TRAF3IP3: variants seen among roughly 807,000 people sequenced by gnomAD.
The protein encoded by TRAF3IP3 is TRAF3 interacting protein 3.
Under a neutral mutation model 86.5 loss-of-function variants are expected in TRAF3IP3, and 64 were observed. That is an observed-to-expected ratio of 0.74 (90% CI 0.60 to 0.91). The LOEUF is 0.91. TRAF3IP3 is among the 40% of genes least tolerant of loss of function. The pLI, the probability that TRAF3IP3 is intolerant of heterozygous loss-of-function variation, is 0.00. For missense variants in TRAF3IP3, 579 were observed against 642.9 expected (o/e 0.90, Z 1.07); for synonymous variants, 220 against 243.9 (o/e 0.90, Z 0.91).
intron 8 of TRAF3IP3, chr1:209,768,687 C>G: frequency 4.1e-6 from 4 of 985,572 alleles, no homozygotes; most frequent in Non-Finnish European, 4.8e-6. Context: ...CCTTGCTCCT[C>G]TCTTCACTGG....
intron 2 of TRAF3IP3, among the ~76,000 whole-genome samples, 168 bp from the exon 3 acceptor site, chr1:209,759,814 A>G (rs1200429166): frequency 1.3e-5 from 2 of 152,234 alleles, no homozygotes; most frequent in African/African-American, 4.8e-5. Flanking sequence ...AGTTCATTAG[A>G]GACTGAGCCC....
intron 8 of TRAF3IP3, among the ~76,000 whole-genome samples, chr1:209,766,445 C>T (rs1318742407): frequency 6.6e-6 from 1 of 152,160 alleles, no homozygotes; most frequent in Admixed American, 6.5e-5. Context: ...AAGACAGAGA[C>T]ATGTAATAAA....
At chr1:209,778,068 G>T (rs1324766262) in intron 12 of TRAF3IP3, 43 bp from the exon 13 acceptor site, 2 of 1,565,380 alleles carry the variant, frequency 1.3e-6, no homozygotes, top group African/African-American at 2.7e-5. Flanking sequence ...AGTTCATTAA[G>T]TCTTGGGTTC....
intron 6 of TRAF3IP3, 120 bp from the exon 7 acceptor site, chr1:209,763,243 C>A: frequency 7.2e-7 from 1 of 1,393,396 alleles, no homozygotes; most frequent in Non-Finnish European, 1.0e-6. Flanking sequence ...CTAAAGGGAC[C>A]CTGTCAGAGC....
intron 15 of TRAF3IP3, 128 bp downstream of exon 15, chr1:209,780,734 C>T (rs2077759640): frequency 1.2e-6 from 1 of 868,866 alleles, no homozygotes; most frequent in South Asian, 3.5e-5. Flanking sequence ...CATTTGCCTA[C>T]ATAAAGTGTC....
At chr1:209,775,328 T>C in intron 9 of TRAF3IP3, 21 bp from the exon 10 acceptor site, 1 of 1,597,188 alleles carries the variant, frequency 6.3e-7, no homozygotes, top group Non-Finnish European at 8.5e-7. Flanking sequence ...GTGTATTTGT[T>C]GAATTGCATC....
chr1:209,770,256 C>T (rs1341552127), intron 8 of TRAF3IP3, among the ~76,000 whole-genome samples: 3 of 152,212 alleles, frequency 2.0e-5, no homozygotes, highest in Non-Finnish European at 4.4e-5. Flanking sequence ...CCGTTTCTTG[C>T]TTTCTTAAAG....
Position 209,760,348 on chromosome 1 carries a change from G to A in TRAF3IP3, c.309G>A (p.Leu103=). The A allele has an allele frequency of 1.2e-6, 2 of 1,610,986 alleles. No individual in the cohort carries two copies. Among genetic ancestry groups the A allele is most frequent in the Non-Finnish European group, 1.7e-6 (2 of 1,178,602 alleles). The part of the protein sequence containing the change: ...PGQVTVLKEP[L]SCARRISSPR... The stretch of plus-strand genomic sequence containing the variant: ...AGGTGACTGTCCTCAAGGAACCCTT[G>A]TCTTGTGCCAGAAGGATTTCTTCTC... The change falls in exon 3 of 17, where the codon TTG becomes TTA. Residue 103 remains leucine, a synonymous_variant. Coordinates refer to ENST00000367025, the MANE Select transcript of TRAF3IP3 (RefSeq NM_025228.4).
intron 2 of TRAF3IP3, among the ~76,000 whole-genome samples, chr1:209,759,559 T>G (rs2077209255): frequency 6.6e-6 from 1 of 152,192 alleles, no homozygotes; most frequent in South Asian, 2.1e-4. Flanking sequence ...AACTGGGGGA[T>G]AAGAGGGCAG....
chr1:209,774,650 T>C (rs974611236), intron 9 of TRAF3IP3, among the ~76,000 whole-genome samples: 1 of 152,200 alleles, frequency 6.6e-6, no homozygotes, highest in Non-Finnish European at 1.5e-5. Context: ...GATGAAAGTC[T>C]AGGCGTGTAA....
intron 14 of TRAF3IP3, chr1:209,779,792 T>C (rs1201198544): frequency 2.2e-6 from 1 of 449,046 alleles, no homozygotes; most frequent in Admixed American, 4.0e-5. Context: ...GAATTCACTG[T>C]GTATACAGAG....
Position 209,762,637 on chromosome 1 carries a change from C to T in TRAF3IP3, c.468C>T (p.Ile156=). The change falls in exon 4 of 17, where the codon ATC becomes ATT. Residue 156 remains isoleucine, a synonymous_variant. Transcript: ENST00000367025. ...AGGLPPQDTP[I]KKPPKHHRGT... ...GCCTTCCTCCACAGGACACTCCCAT[C>T]AAGAAGCCACCCAAACACCACCGTG... is the stretch of plus-strand genomic sequence containing the variant. 1 of 1,429,254 alleles carries T rather than the reference C, an allele frequency of 7.0e-7. No homozygotes were observed. Among genetic ancestry groups the T allele is most frequent in the Non-Finnish European group, 9.1e-7 (1 of 1,098,774 alleles). The allele number at this position is 1,429,254 out of a possible 1,614,324, so 88.5% of individuals were successfully genotyped here. A position where few individuals can be genotyped will look rare whatever the true frequency, so the allele number is the denominator to read the frequency against.
rs534483420 is a variant in TRAF3IP3 at position 209,771,889 on chromosome 1, G to A, written c.703-1059G>A. ...TACGTGTGCATGTGGAGGTGTGTGC[G>A]CGCATGTGAAGGTGTGTGTGTATAT... is the stretch of plus-strand genomic sequence containing the variant. On this transcript the variant is annotated intron_variant, in intron 8 of 16. Coordinates refer to ENST00000367025, the MANE Select transcript of TRAF3IP3 (RefSeq NM_025228.4). Among the ~76,000 whole-genome samples, 29 of 142,880 alleles carry A rather than the reference G, an allele frequency of 2.0e-4. 2 individuals are homozygous for A. The South Asian group carries it at 3.6e-3, about 18-fold the overall frequency. 93.7% of individuals were successfully genotyped at this position (142,880 alleles called of 152,430 possible). A position where few individuals can be genotyped will look rare whatever the true frequency, so the allele number is the denominator to read the frequency against.
At chr1:209,762,406 A>G in intron 3 of TRAF3IP3, 109 bp from the exon 4 acceptor site, 1 of 1,151,962 alleles carries the variant, frequency 8.7e-7, no homozygotes, top group East Asian at 2.7e-5. Flanking sequence ...GACAATAAAC[A>G]CTCAGTCCAT....
rs1558034023 is a variant in TRAF3IP3, at chr1:209,781,368, AG to A, written c.1474del (p.Asp492ThrfsTer21). On this transcript the variant is annotated frameshift_variant, in exon 16 of 17. Coordinates refer to ENST00000367025, the MANE Select transcript of TRAF3IP3 (RefSeq NM_025228.4). LOFTEE classifies it high-confidence loss of function. ...KECRELHSEL[D>X]NLSDEYLSCL... is the part of the protein sequence containing the mutation. Reference sequence around the variant, plus strand: ...AGTGCAGAGAACTGCATTCAGAATTAGACAACCTCAGTGACGAGTATCTCTC... The same window carrying A: ...AGTGCAGAGAACTGCATTCAGAATTAACAACCTCAGTGACGAGTATCTCTC... 2 of 1,613,168 alleles carry A rather than the reference AG, an allele frequency of 1.2e-6. No homozygotes were observed. Among genetic ancestry groups the A allele is most frequent in the Non-Finnish European group, 1.7e-6 (2 of 1,179,344 alleles).
chr1:209,761,115 C>T (rs1405651132), intron 3 of TRAF3IP3, among the ~76,000 whole-genome samples: 2 of 152,220 alleles, frequency 1.3e-5, no homozygotes, highest in Non-Finnish European at 2.9e-5. Flanking sequence ...CTTCTTGACA[C>T]ACACACAGAC....
chr1:209,775,851 G>A, intron 11 of TRAF3IP3, 115 bp downstream of exon 11: 1 of 996,672 alleles, frequency 1.0e-6, no homozygotes, highest in African/African-American at 1.6e-5. Flanking sequence ...CTGGCTTTCA[G>A]TTCCTCAGTC....
At chr1:209,770,497 GT>G (rs1558018507) in intron 8 of TRAF3IP3, among the ~76,000 whole-genome samples, 5 of 150,396 alleles carry the variant, frequency 3.3e-5, no homozygotes, top group African/African-American at 1.2e-4. Flanking sequence ...AAGTGTGCGT[GT>G]GCATGTGAAA....
Position 209,775,488 on chromosome 1 carries a change from A to T in TRAF3IP3, c.914A>T (p.Gln305Leu), listed in dbSNP as rs2077632916. The change falls in exon 10 of 17, where the codon CAG becomes CTG. Residue 305 changes from glutamine (Q) to leucine (L), a missense_variant and splice_region_variant. By Grantham distance (113) the Gln-to-Leu change is moderately radical. Coordinates refer to ENST00000367025, the MANE Select transcript of TRAF3IP3 (RefSeq NM_025228.4). ...GCAGAGCAGCAACTACAGAGCACAC[A>T]GGTATGGGGATGCCACATAGACATG... ...MNAEQQLQST[Q>L]RSLALAEQKC... 1.2e-6 allele frequency: 2 copies of T among 1,614,124 alleles called. No homozygotes were observed. Among genetic ancestry groups the T allele is most frequent in the South Asian group, 2.2e-5 (2 of 91,088 alleles).
Sources: allele counts gnomAD v4.1 joint callset (sites outside exome capture counted in the v4.1 genomes callset), GRCh38; gene constraint gnomAD v4.1.1; transcripts MANE v1.5; gene names NCBI Gene and HGNC (gene_info 2026-07-23, HGNC 2026-07-21).